TTC28: variants seen among roughly 807,000 people sequenced by gnomAD.
TTC28 encodes tetratricopeptide repeat protein 28.
Under a neutral mutation model 198.0 loss-of-function variants are expected in TTC28, and 61 were observed. That is an observed-to-expected ratio of 0.31 (90% CI 0.25 to 0.38). The LOEUF (loss-of-function observed/expected upper bound fraction) is 0.38, where lower values mean the gene tolerates loss of function less well. Ranked by LOEUF, TTC28 falls within the 10% of genes least tolerant of loss-of-function variation. The probability of loss-of-function intolerance (pLI) is 1.00; values close to 1 mark genes in which losing one functional copy is unlikely to be tolerated. For missense variants in TTC28, 2,678 were observed against 3,164.0 expected (o/e 0.85, Z 3.69); for synonymous variants, 1,171 against 1,297.8 (o/e 0.90, Z 2.10).
intron 2 of TTC28, among the ~76,000 whole-genome samples, chr22:28,514,657 A>G (rs985993553): frequency 6.6e-6 from 1 of 152,174 alleles, no homozygotes; most frequent in Non-Finnish European, 1.5e-5. Context: ...CATAAAAATG[A>G]TTTTTCCATT....
chr22:28,227,064 A>G (rs1928400744), intron 5 of TTC28, among the ~76,000 whole-genome samples: 1 of 152,114 alleles, frequency 6.6e-6, no homozygotes, highest in Non-Finnish European at 1.5e-5. Context: ...AGCTGGGACT[A>G]CAGATGCACA....
chr22:28,538,288 A>G (rs1249383937), intron 2 of TTC28, among the ~76,000 whole-genome samples: 2 of 151,932 alleles, frequency 1.3e-5, no homozygotes, highest in African/African-American at 2.4e-5. Context: ...GGGTCTTGCT[A>G]TGTTGCCCAG....
intron 15 of TTC28, 111 bp downstream of exon 15, chr22:28,001,263 T>C (rs1937675345): frequency 7.5e-7 from 1 of 1,336,214 alleles, no homozygotes; most frequent in Non-Finnish European, 1.0e-6. Context: ...ATCAACACTT[T>C]TGAGGAGATC....
chr22:28,540,835 A>G (rs1278804122), intron 2 of TTC28, among the ~76,000 whole-genome samples: 2 of 152,202 alleles, frequency 1.3e-5, no homozygotes, highest in Non-Finnish European at 2.9e-5. Context: ...TGATATCTGA[A>G]TAGTTTGAAT....
rs1453522135 is a variant in TTC28 at position 28,244,008 on chromosome 22, A to C, written c.933+52190T>G. Among the ~76,000 whole-genome samples the C allele has an allele frequency of 2.0e-5, 3 of 152,178 alleles. No individual in the cohort carries two copies. In the East Asian group the frequency reaches 5.8e-4, roughly 29 times the overall value. The stretch of plus-strand genomic sequence containing the variant: ...TGAGAAAAAGACAGTAAGGAAAATA[A>C]ATTATACATATTTATTTTGCAGAAT... On this transcript the variant is annotated intron_variant, in intron 5 of 22. Coordinates refer to ENST00000397906, the MANE Select transcript of TTC28 (RefSeq NM_001145418.2).
intron 2 of TTC28, among the ~76,000 whole-genome samples, chr22:28,415,020 AATAT>A (rs1216863569): frequency 1.3e-5 from 2 of 152,188 alleles, no homozygotes; most frequent in Non-Finnish European, 2.9e-5. Flanking sequence ...ATTCTAGTAA[AATAT>A]CTGAGACAGG....
At chr22:28,426,489 C>G (rs2047352551) in intron 2 of TTC28, among the ~76,000 whole-genome samples, 1 of 152,104 alleles carries the variant, frequency 6.6e-6, no homozygotes, top group African/African-American at 2.4e-5. Context: ...TGGATTAGAC[C>G]ATTCTAAATT....
intron 6 of TTC28, among the ~76,000 whole-genome samples, chr22:28,133,749 A>G (rs1217694075): frequency 1.3e-5 from 2 of 152,214 alleles, no homozygotes; most frequent in Non-Finnish European, 2.9e-5. Context: ...TAGCTCAAGG[A>G]GGCCTGCCTG....
chr22:28,000,202 T>C (rs1937634071), intron 15 of TTC28: 1 of 152,234 alleles, frequency 6.6e-6, no homozygotes, highest in South Asian at 2.1e-4. Context: ...AAATAACTTC[T>C]TTCACTTTGA....
intron 6 of TTC28, among the ~76,000 whole-genome samples, chr22:28,154,598 C>T (rs879412276): frequency 1.1e-4 from 17 of 151,896 alleles, no homozygotes; most frequent in Admixed American, 1.0e-3. Context: ...CCTTGTGATC[C>T]GCCTGCCTCG....
intron 5 of TTC28, among the ~76,000 whole-genome samples, chr22:28,231,743 G>T (rs1928822285): frequency 6.6e-6 from 1 of 152,198 alleles, no homozygotes. Context: ...GACAGTTGTT[G>T]TTCCAAAGAA....
chr22:28,369,986 C>T (rs1008656397), intron 2 of TTC28, among the ~76,000 whole-genome samples: 8 of 152,166 alleles, frequency 5.3e-5, no homozygotes, highest in Admixed American at 2.6e-4. Context: ...TATATCCAAA[C>T]CCTGCCTTAT....
chr22:28,157,713 A>G (rs1366239633), intron 6 of TTC28, among the ~76,000 whole-genome samples: 1 of 152,194 alleles, frequency 6.6e-6, no homozygotes, highest in Non-Finnish European at 1.5e-5. Context: ...ATAAAGTTCA[A>G]CATCTCTTCA....
At chr22:28,606,329 T>C (rs1008380001) in intron 2 of TTC28, among the ~76,000 whole-genome samples, 2 of 152,148 alleles carry the variant, frequency 1.3e-5, no homozygotes, top group Non-Finnish European at 2.9e-5. Flanking sequence ...GACCTCGCGA[T>C]CCACCTGCCT....
chr22:28,086,261 A>C (rs1005631343), intron 12 of TTC28, among the ~76,000 whole-genome samples: 16 of 152,172 alleles, frequency 1.1e-4, no homozygotes, highest in African/African-American at 3.6e-4. Flanking sequence ...ACATACTTGG[A>C]AGTAAAGCTC....
chr22:28,604,141 G>C (rs1173969790), intron 2 of TTC28, among the ~76,000 whole-genome samples: 2 of 151,518 alleles, frequency 1.3e-5, no homozygotes, highest in African/African-American at 4.9e-5. Flanking sequence ...AGCTGAGTGT[G>C]TTGGTTTGCA....
chr22:28,226,160 G>C (rs1928326332), intron 5 of TTC28, among the ~76,000 whole-genome samples: 1 of 152,178 alleles, frequency 6.6e-6, no homozygotes, highest in South Asian at 2.1e-4. Flanking sequence ...AAATTTGTAG[G>C]AGTGAAACGG....
chr22:28,671,141 T>TA (rs2051873910), intron 1 of TTC28, among the ~76,000 whole-genome samples: 1 of 152,062 alleles, frequency 6.6e-6, no homozygotes. Flanking sequence ...GAAGAGGTGT[T>TA]ACTATGTTGC....
intron 2 of TTC28, among the ~76,000 whole-genome samples, chr22:28,418,975 A>G (rs1234814374): frequency 6.6e-6 from 1 of 152,162 alleles, no homozygotes; most frequent in Non-Finnish European, 1.5e-5. Context: ...CTGGAGCCCT[A>G]CTCAAGATTT....
Sources: gnomAD v4.1 joint callset for allele counts (sites outside exome capture counted in the v4.1 genomes callset) on GRCh38, gnomAD v4.1.1 for gene constraint, MANE v1.5 for transcripts, NCBI Gene and HGNC (gene_info 2026-07-23, HGNC 2026-07-21) for gene names.